Variants in GTF2E2 observed in about 807,000 individuals in gnomAD.
The protein encoded by GTF2E2 is general transcription factor IIE subunit 2.
In GTF2E2, 21 loss-of-function variants were observed where a neutral mutation model predicts 40.5. That is an observed-to-expected ratio of 0.52 (90% CI 0.37 to 0.75). The LOEUF is 0.75. Ranked by LOEUF, GTF2E2 falls within the 30% of genes least tolerant of loss-of-function variation. The pLI is 0.00. For missense variants in GTF2E2, 298 were observed against 338.4 expected, an observed-to-expected ratio of 0.88 and a Z score of 0.94; for synonymous variants, 117 against 121.6, an observed-to-expected ratio of 0.96 and a Z score of 0.25.
chr8:30,599,597 C>T (rs1020197945), intron 6 of GTF2E2, among the ~76,000 whole-genome samples: 2 of 129,204 alleles, frequency 1.5e-5, no homozygotes, highest in Non-Finnish European at 3.4e-5. Flanking sequence ...AAAAAAAAAA[C>T]TTCCCATCTG....
intron 6 of GTF2E2, among the ~76,000 whole-genome samples, chr8:30,600,771 C>T (rs774027375): frequency 6.6e-6 from 1 of 152,192 alleles, no homozygotes; most frequent in Non-Finnish European, 1.5e-5. Flanking sequence ...ACTCTGTGTT[C>T]ACTTCTACAC....
At chr8:30,625,574 G>C (rs1346329321) in intron 3 of GTF2E2, among the ~76,000 whole-genome samples, 1 of 152,148 alleles carries the variant, frequency 6.6e-6, no homozygotes, top group Non-Finnish European at 1.5e-5. Flanking sequence ...CAGTGTGCAA[G>C]TAGGGCTATG....
chr8:30,647,414 C>G (rs1802133318), intron 2 of GTF2E2, among the ~76,000 whole-genome samples: 1 of 152,122 alleles, frequency 6.6e-6, no homozygotes, highest in Non-Finnish European at 1.5e-5. Flanking sequence ...AACCCCATCT[C>G]TACTAAAAAT....
intron 5 of GTF2E2, among the ~76,000 whole-genome samples, chr8:30,609,126 C>T (rs1829407257): frequency 6.6e-6 from 1 of 151,904 alleles, no homozygotes; most frequent in Non-Finnish European, 1.5e-5. Context: ...ATTAGCTGAA[C>T]ACGGTGGCAG....
At chr8:30,609,281 G>A (rs28830262) in intron 5 of GTF2E2, among the ~76,000 whole-genome samples, 1,685 of 7,946 alleles carry the variant, frequency 0.21, 80 homozygotes, top group African/African-American at 0.41. Context: ...AAAAAAAAAA[G>A]AGAAAGAAAG....
chr8:30,647,820 T>C (rs1330547578), intron 2 of GTF2E2, among the ~76,000 whole-genome samples: 1 of 152,190 alleles, frequency 6.6e-6, no homozygotes, highest in Non-Finnish European at 1.5e-5. Flanking sequence ...CCTTTAATAA[T>C]CAGATTTTTT....
rs1828417402 is a variant in GTF2E2, at chr8:30,578,383, A to C, written c.*538T>G. The C allele has an allele frequency of 6.6e-6, 1 of 152,446 alleles. No homozygotes were observed. Among genetic ancestry groups the C allele is most frequent in the Non-Finnish European group, 1.5e-5 (1 of 68,226 alleles). The allele number at this position is 152,446 out of a possible 1,614,324, so 9.4% of individuals were successfully genotyped here. ...CAGCACACCTGTGTTCCAGTGGTGA[A>C]ATCCATGTGCTCAGCAACACAGTGC... On this transcript the variant is annotated 3_prime_UTR_variant, in exon 8 of 8. Transcript: ENST00000355904.
rs149072259 is a variant in GTF2E2, at chr8:30,626,412, G to A, written c.258+8620C>T. ...AAGCAGGAGAATCGCTTGAACCCGA[G>A]AGGTGGAGGTTGCAGTGAGCCGAGA... On this transcript the variant is annotated intron_variant, in intron 3 of 7. Coordinates refer to ENST00000355904, the MANE Select transcript of GTF2E2 (RefSeq NM_002095.6). 8.2e-3 allele frequency among the ~76,000 whole-genome samples: 1,242 copies of A among 152,306 alleles called. 11 individuals carry two copies. The highest frequency in any genetic ancestry group is 0.013 in the Non-Finnish European group (894 of 68,038).
intron 3 of GTF2E2, among the ~76,000 whole-genome samples, chr8:30,615,306 G>A (rs180891092): frequency 6.6e-6 from 1 of 152,016 alleles, no homozygotes; most frequent in East Asian, 1.9e-4. Context: ...AACAGAAAAT[G>A]ACCCAAAGAC....
chr8:30,624,267 G>A (rs1189003420), intron 3 of GTF2E2, among the ~76,000 whole-genome samples: 3 of 152,100 alleles, frequency 2.0e-5, no homozygotes, highest in Non-Finnish European at 2.9e-5. Flanking sequence ...GTTGAACAGG[G>A]AATCCTTTCC....
At chr8:30,591,057 G>GA (rs1427803615) in intron 6 of GTF2E2, among the ~76,000 whole-genome samples, 3 of 151,780 alleles carry the variant, frequency 2.0e-5, no homozygotes, top group Non-Finnish European at 4.4e-5. Context: ...CCACAGAATG[G>GA]AAAAAAATAT....
intron 1 of GTF2E2, among the ~76,000 whole-genome samples, chr8:30,655,769 G>A (rs1802431051): frequency 6.6e-6 from 1 of 152,104 alleles, no homozygotes; most frequent in African/African-American, 2.4e-5. Context: ...AACAATCACT[G>A]GACGGTGAAT....
chr8:30,615,432 A>C (rs1354665669), intron 3 of GTF2E2, among the ~76,000 whole-genome samples: 1 of 152,168 alleles, frequency 6.6e-6, no homozygotes, highest in Non-Finnish European at 1.5e-5. Context: ...CACACAGAAA[A>C]GTGACTTATG....
At chr8:30,654,316 T>C (rs1201889688) in intron 1 of GTF2E2, among the ~76,000 whole-genome samples, 1 of 152,156 alleles carries the variant, frequency 6.6e-6, no homozygotes, top group Non-Finnish European at 1.5e-5. Flanking sequence ...TTTACATTAA[T>C]TACATGTTGA....
At chr8:30,645,619 A>G (rs906132415) in intron 2 of GTF2E2, 2 of 1,516,648 alleles carry the variant, frequency 1.3e-6, no homozygotes, top group Admixed American at 2.1e-5. Context: ...AGATGAACAA[A>G]ATCTCTGAAA....
At chr8:30,596,241 G>A (rs1276788329) in intron 6 of GTF2E2, among the ~76,000 whole-genome samples, 4 of 151,908 alleles carry the variant, frequency 2.6e-5, no homozygotes, top group African/African-American at 4.8e-5. Flanking sequence ...CTTCTGCCCC[G>A]TTTTCTTTCT....
chr8:30,596,920 C>T (rs1266658807), intron 6 of GTF2E2: 1 of 152,276 alleles, frequency 6.6e-6, no homozygotes, highest in East Asian at 1.9e-4. Flanking sequence ...GCTGGTTTGC[C>T]AGAGGATGTT....
chr8:30,645,564 C>T, intron 2 of GTF2E2: 1 of 1,535,496 alleles, frequency 6.5e-7, no homozygotes, highest in Non-Finnish European at 8.7e-7. Context: ...GTATGATGGA[C>T]AACATCAGAA....
chr8:30,588,163 G>A (rs1233060875), intron 6 of GTF2E2, among the ~76,000 whole-genome samples: 1 of 152,100 alleles, frequency 6.6e-6, no homozygotes, highest in Non-Finnish European at 1.5e-5. Context: ...ACTGTATGGA[G>A]TCCCCCCAGA....
Sources: allele counts gnomAD v4.1 joint callset (sites outside exome capture counted in the v4.1 genomes callset), GRCh38; gene constraint gnomAD v4.1.1; transcripts MANE v1.5; gene names NCBI Gene and HGNC (gene_info 2026-07-23, HGNC 2026-07-21).